ALCAM: variants seen among roughly 807,000 people sequenced by gnomAD.
ALCAM encodes activated leukocyte cell adhesion molecule.
In ALCAM, 30 loss-of-function variants were observed where a neutral mutation model predicts 70.9. The ratio of observed to expected loss-of-function variants is 0.42; its 90% CI spans 0.32 to 0.57. The LOEUF (loss-of-function observed/expected upper bound fraction) is 0.57, where lower values mean the gene tolerates loss of function less well. Among genes scored for constraint, ALCAM ranks in the 20% least tolerant of loss-of-function variants. ALCAM has a pLI of 0.11. For synonymous variants in ALCAM, 249 were observed against 242.5 expected (o/e 1.03, Z -0.25); for missense variants, 591 against 695.1 (o/e 0.85, Z 1.68).
At chr3:105,454,653 ATTTTTTTTTTTTTTTTTTTTTT>A (rs59389132) in intron 1 of ALCAM, among the ~76,000 whole-genome samples, 2 of 61,792 alleles carry the variant, frequency 3.2e-5, no homozygotes, top group Admixed American at 2.9e-4. Flanking sequence ...ATGCTCATTA[ATTTTTTTTTTTTTTTTTTTTTT>A]TTTTTTTTTT....
intron 2 of ALCAM, among the ~76,000 whole-genome samples, chr3:105,522,930 G>C (rs1447086076): frequency 6.6e-6 from 1 of 152,134 alleles, no homozygotes; most frequent in Non-Finnish European, 1.5e-5. Flanking sequence ...ACGAGGTCAG[G>C]AGATCGAGAC....
At chr3:105,502,637 C>T (rs1938956406) in intron 1 of ALCAM, among the ~76,000 whole-genome samples, 1 of 152,224 alleles carries the variant, frequency 6.6e-6, no homozygotes, top group African/African-American at 2.4e-5. Context: ...TCAGAGACTG[C>T]TATCTCTCAG....
intron 1 of ALCAM, among the ~76,000 whole-genome samples, chr3:105,484,891 G>C (rs879232515): frequency 3.0e-4 from 45 of 152,028 alleles, no homozygotes; most frequent in African/African-American, 1.1e-3. Context: ...CCTTAGGAAA[G>C]CAAATACTTT....
intron 1 of ALCAM, among the ~76,000 whole-genome samples, chr3:105,457,973 G>C (rs1188597501): frequency 6.6e-6 from 1 of 151,948 alleles, no homozygotes; most frequent in Non-Finnish European, 1.5e-5. Flanking sequence ...GCTCCTCAAT[G>C]GAGCTTTCCA....
At chr3:105,456,296 C>T (rs1482428153) in intron 1 of ALCAM, among the ~76,000 whole-genome samples, 2 of 152,188 alleles carry the variant, frequency 1.3e-5, no homozygotes, top group East Asian at 1.9e-4. Context: ...CTTGAATTCT[C>T]TGCTGGACAA....
intron 15 of ALCAM, among the ~76,000 whole-genome samples, chr3:105,573,628 T>G (rs1940902264): frequency 6.6e-6 from 1 of 152,216 alleles, no homozygotes. Flanking sequence ...CATTGCCACC[T>G]GCAATTTGAG....
chr3:105,538,989 A>G (rs1042774045), intron 6 of ALCAM, among the ~76,000 whole-genome samples: 5 of 152,116 alleles, frequency 3.3e-5, no homozygotes, highest in African/African-American at 1.2e-4. Flanking sequence ...CAAAGCCTCC[A>G]AAAGTATAAC....
intron 1 of ALCAM, among the ~76,000 whole-genome samples, chr3:105,468,466 T>G (rs1044143317): frequency 6.6e-6 from 1 of 151,268 alleles, no homozygotes; most frequent in African/African-American, 2.4e-5. Flanking sequence ...TAGCATCCAT[T>G]CAATAATATT....
intron 1 of ALCAM, among the ~76,000 whole-genome samples, chr3:105,393,199 T>A (rs1269344448): frequency 6.6e-6 from 1 of 151,784 alleles, no homozygotes; most frequent in Non-Finnish European, 1.5e-5. Flanking sequence ...CTTATATTAG[T>A]CTATGTTTAA....
chr3:105,482,611 A>G (rs1009947779), intron 1 of ALCAM, among the ~76,000 whole-genome samples: 1 of 152,196 alleles, frequency 6.6e-6, no homozygotes, highest in Admixed American at 6.6e-5. Context: ...GTCTGAGACC[A>G]GGCCAGAACT....
At chr3:105,545,487 T>TAAC (rs1447096959) in intron 9 of ALCAM, 152 bp downstream of exon 9, 1 of 571,342 alleles carries the variant, frequency 1.8e-6, no homozygotes, top group South Asian at 2.0e-5. Context: ...AGAAATAAAA[T>TAAC]AACAATAAAA....
chr3:105,543,691 C>T lies in ALCAM; in HGVS notation c.992-1532C>T, dbSNP rs1227208357. 2.6e-5 allele frequency among the ~76,000 whole-genome samples: 4 copies of T among 151,752 alleles called. No homozygotes were observed. The East Asian group carries it at 7.8e-4, about 29-fold the overall frequency. On this transcript the variant is annotated intron_variant, in intron 8 of 15. Coordinates refer to ENST00000306107, the MANE Select transcript of ALCAM (RefSeq NM_001627.4). ...CCAATATATGCACACATAGAGTCTT[C>T]ATCAGAGCTTTCAAAGTCCATCATT...
intron 1 of ALCAM, among the ~76,000 whole-genome samples, chr3:105,485,625 A>G (rs1326796258): frequency 6.6e-6 from 1 of 151,868 alleles, no homozygotes; most frequent in African/African-American, 2.4e-5. Flanking sequence ...TACTATTATC[A>G]TCTGTGTTAT....
chr3:105,480,811 A>G (rs1938250814), intron 1 of ALCAM, among the ~76,000 whole-genome samples: 1 of 152,212 alleles, frequency 6.6e-6, no homozygotes, highest in Non-Finnish European at 1.5e-5. Context: ...CCATGTTGGG[A>G]AATGCTTACT....
chr3:105,549,343 A>G (rs1431162317), intron 11 of ALCAM, among the ~76,000 whole-genome samples: 1 of 151,490 alleles, frequency 6.6e-6, no homozygotes, highest in East Asian at 1.9e-4. Context: ...TAACCAAAAC[A>G]GGAGAATAGC....
chr3:105,555,613 C>T (rs1234307638), intron 14 of ALCAM, among the ~76,000 whole-genome samples: 2 of 151,918 alleles, frequency 1.3e-5, no homozygotes, highest in Admixed American at 1.3e-4. Flanking sequence ...TTTTAAAAGT[C>T]ATTGGAGAAA....
At chr3:105,385,485 A>G (rs1378734361) in intron 1 of ALCAM, among the ~76,000 whole-genome samples, 1 of 151,630 alleles carries the variant, frequency 6.6e-6, no homozygotes, top group Non-Finnish European at 1.5e-5. Flanking sequence ...GTGGACCAGT[A>G]GCATCATGAT....
At chr3:105,434,127 A>G (rs1936998108) in intron 1 of ALCAM, among the ~76,000 whole-genome samples, 1 of 152,188 alleles carries the variant, frequency 6.6e-6, no homozygotes, top group South Asian at 2.1e-4. Context: ...AATATTGTCT[A>G]TTCTCCATAT....
chr3:105,427,389 G>A (rs756073514), intron 1 of ALCAM, among the ~76,000 whole-genome samples: 1 of 151,884 alleles, frequency 6.6e-6, no homozygotes, highest in African/African-American at 2.4e-5. Flanking sequence ...AGCAGAGAAA[G>A]GAAAGAAGAG....
Sources: allele counts gnomAD v4.1 joint callset (sites outside exome capture counted in the v4.1 genomes callset), GRCh38; gene constraint gnomAD v4.1.1; transcripts MANE v1.5; gene names NCBI Gene and HGNC (gene_info 2026-07-23, HGNC 2026-07-21).